Variants in STK32B observed in about 807,000 individuals in gnomAD.
STK32B encodes the protein serine/threonine kinase 32B.
STK32B carries 43 observed loss-of-function variants against 52.6 expected under a neutral mutation model. That is an observed-to-expected ratio of 0.82 (90% CI 0.64 to 1.05). The LOEUF (loss-of-function observed/expected upper bound fraction) is 1.05. STK32B is among the 50% of genes least tolerant of loss of function. STK32B has a pLI of 0.00. For missense variants in STK32B, 621 were observed against 534.6 expected (o/e 1.16, Z -1.59); for synonymous variants, 238 against 204.3 (o/e 1.17, Z -1.41).
intron 3 of STK32B, among the ~76,000 whole-genome samples, chr4:5,244,826 C>G (rs1455831583): frequency 6.6e-6 from 1 of 152,132 alleles, no homozygotes; most frequent in Non-Finnish European, 1.5e-5. Context: ...GCCTTCATTT[C>G]ATTATGTACC....
At chr4:5,297,495 T>C (rs1729278156) in intron 3 of STK32B, among the ~76,000 whole-genome samples, 1 of 152,116 alleles carries the variant, frequency 6.6e-6, no homozygotes, top group Non-Finnish European at 1.5e-5. Flanking sequence ...TTTTCTCTAA[T>C]CTTGTCTTCA....
intron 6 of STK32B, among the ~76,000 whole-genome samples, chr4:5,421,268 T>C (rs1182083520): frequency 1.3e-5 from 2 of 151,982 alleles, no homozygotes; most frequent in Non-Finnish European, 2.9e-5. Flanking sequence ...TTTTTTGTAT[T>C]TTTAGTAGAG....
chr4:5,490,194 C>A (rs986905315), intron 11 of STK32B, among the ~76,000 whole-genome samples: 6 of 151,826 alleles, frequency 4.0e-5, no homozygotes, highest in Non-Finnish European at 8.8e-5. Context: ...GAAACCTCTA[C>A]CTCCCGGGTT....
In STK32B at chr4:5,470,062, C is replaced by A. The variant is rs988806235; in HGVS notation, c.1106+1992C>A. 6.6e-6 allele frequency among the ~76,000 whole-genome samples: 1 copy of A among 152,192 alleles called. No homozygotes were observed. Among genetic ancestry groups the A allele is most frequent in the Admixed American group, 6.5e-5 (1 of 15,284 alleles). On this transcript the variant is annotated intron_variant, in intron 11 of 11. Coordinates refer to ENST00000282908, the MANE Select transcript of STK32B (RefSeq NM_018401.3). This position sits in a 1 kb window ranked among gnomAD's most constrained non-coding sequence, Gnocchi z 4.6. ...GTGTGGGACCCAAGCAGACAGCAAT[C>A]TCATTTCACCTTTTGCTGTGTGCCA...
At chr4:5,162,022 G>A (rs151252404) in intron 2 of STK32B, among the ~76,000 whole-genome samples, 9 of 152,266 alleles carry the variant, frequency 5.9e-5, no homozygotes, top group African/African-American at 9.6e-5. Flanking sequence ...CTCAGGTCCC[G>A]TTGATGGGGT....
intron 4 of STK32B, among the ~76,000 whole-genome samples, chr4:5,355,609 T>C (rs1263276374): frequency 6.6e-6 from 1 of 152,188 alleles, no homozygotes; most frequent in East Asian, 1.9e-4. Context: ...GGCTGTCCTG[T>C]GCACTGTGGG....
intron 3 of STK32B, among the ~76,000 whole-genome samples, chr4:5,241,802 C>A (rs1725046576): frequency 6.6e-6 from 1 of 152,132 alleles, no homozygotes; most frequent in Admixed American, 6.6e-5. Context: ...GTTCAATTCC[C>A]ACTTATCAGT....
intron 3 of STK32B, among the ~76,000 whole-genome samples, chr4:5,204,663 T>C: frequency 6.6e-6 from 1 of 152,026 alleles, no homozygotes; most frequent in East Asian, 1.9e-4. Context: ...AGAAATGGGG[T>C]TTCACCATAT....
intron 3 of STK32B, among the ~76,000 whole-genome samples, chr4:5,321,044 G>A (rs1731453334): frequency 6.6e-6 from 1 of 152,120 alleles, no homozygotes; most frequent in African/African-American, 2.4e-5. Context: ...GGGTCTTTGA[G>A]AGAGTACAAA....
At chr4:5,270,906 C>T (rs1453542220) in intron 3 of STK32B, among the ~76,000 whole-genome samples, 1 of 152,158 alleles carries the variant, frequency 6.6e-6, no homozygotes, top group African/African-American at 2.4e-5. Flanking sequence ...ATACTGTCAA[C>T]AAAATCAAAA....
chr4:5,093,463 C>CA (rs1293021598), intron 1 of STK32B, among the ~76,000 whole-genome samples: 41 of 151,058 alleles, frequency 2.7e-4, no homozygotes, highest in African/African-American at 7.3e-4. Flanking sequence ...ATCGCAAGGA[C>CA]AAAAAACCAA....
At chr4:5,220,954 T>C (rs1486561174) in intron 3 of STK32B, among the ~76,000 whole-genome samples, 1 of 152,218 alleles carries the variant, frequency 6.6e-6, no homozygotes, top group East Asian at 1.9e-4. Context: ...GTTGCTACCA[T>C]CTCTTTCTAC....
intron 6 of STK32B, among the ~76,000 whole-genome samples, chr4:5,446,425 G>T (rs906537301): frequency 6.6e-6 from 1 of 152,086 alleles, no homozygotes; most frequent in African/African-American, 2.4e-5. Context: ...AATTAGCCAG[G>T]CATGGTGGCA....
chr4:5,203,417 C>G (rs1361166584), intron 3 of STK32B, among the ~76,000 whole-genome samples: 2 of 152,132 alleles, frequency 1.3e-5, no homozygotes, highest in Non-Finnish European at 2.9e-5. Context: ...GTAGCTGTGT[C>G]TCCTTTACAT....
the STK32B span, among the ~76,000 whole-genome samples, chr4:5,032,289 C>T: frequency 7.4e-4 from 112 of 151,412 alleles, no homozygotes; most frequent in Non-Finnish European, 1.2e-3. Context: ...GTCTGGACAA[C>T]GTGGTGAAAC....
At chr4:5,246,953 C>A (rs1355118726) in intron 3 of STK32B, among the ~76,000 whole-genome samples, 5 of 152,148 alleles carry the variant, frequency 3.3e-5, no homozygotes, top group Admixed American at 1.3e-4. Flanking sequence ...CAGAGAAGTA[C>A]CCGGCTGTAT....
chr4:5,027,617 G>T, the STK32B span, among the ~76,000 whole-genome samples: 2 of 152,098 alleles, frequency 1.3e-5, no homozygotes, highest in South Asian at 2.1e-4. Context: ...AACATGAAAA[G>T]CTGGAGTGAC....
chr4:5,420,540 G>T (rs1166930061), intron 6 of STK32B, among the ~76,000 whole-genome samples: 1 of 152,162 alleles, frequency 6.6e-6, no homozygotes, highest in Non-Finnish European at 1.5e-5. Context: ...AGAGCAGTAG[G>T]TTTGTGAAGT....
chr4:5,036,037 C>T, the STK32B span, among the ~76,000 whole-genome samples: 2 of 152,098 alleles, frequency 1.3e-5, no homozygotes, highest in Admixed American at 1.3e-4. Context: ...CGGCCTCGGC[C>T]TCCCAAAGTG....
Sources: allele counts gnomAD v4.1 joint callset (sites outside exome capture counted in the v4.1 genomes callset), GRCh38; gene constraint gnomAD v4.1.1; non-coding constraint Gnocchi (gnomAD v3.1); transcripts MANE v1.5; gene names NCBI Gene and HGNC (gene_info 2026-07-23, HGNC 2026-07-21).